The following DOK6 variants were observed in gnomAD, a reference collection of about 807,000 sequenced individuals.
DOK6 encodes downstream of tyrosine kinase 6.
A neutral mutation model predicts 44.0 loss-of-function variants in DOK6; 22 were observed. The observed-to-expected ratio is 0.50, with a 90% CI of 0.36 to 0.71. DOK6 has a LOEUF of 0.71. DOK6 is among the 30% of genes least tolerant of loss of function. The pLI, the probability that DOK6 is intolerant of heterozygous loss-of-function variation, is 0.00. For synonymous variants in DOK6, 166 were observed against 145.5 expected, an observed-to-expected ratio of 1.14 and a Z score of -1.01; for missense variants, 340 against 416.4, an observed-to-expected ratio of 0.82 and a Z score of 1.60.
chr18:69,593,676 T>C (rs990039114), intron 2 of DOK6, among the ~76,000 whole-genome samples: 3 of 152,228 alleles, frequency 2.0e-5, no homozygotes, highest in Non-Finnish European at 4.4e-5. Flanking sequence ...TGCATTTTGC[T>C]AGGCTATCCA....
intron 1 of DOK6, among the ~76,000 whole-genome samples, chr18:69,416,411 G>C (rs922851381): frequency 7.9e-5 from 12 of 152,122 alleles, no homozygotes; most frequent in African/African-American, 2.4e-4. Context: ...ACACAAGTAT[G>C]ATTTAATGGA....
chr18:69,426,152 C>A (rs1406183789), intron 1 of DOK6, among the ~76,000 whole-genome samples: 1 of 152,102 alleles, frequency 6.6e-6, no homozygotes, highest in Non-Finnish European at 1.5e-5. Flanking sequence ...GCTACTTCTT[C>A]ATATACCACA....
chr18:69,499,462 TA>T (rs1980988854), intron 1 of DOK6, among the ~76,000 whole-genome samples: 1 of 152,210 alleles, frequency 6.6e-6, no homozygotes, highest in Admixed American at 6.5e-5. Flanking sequence ...ATGAGTAATT[TA>T]CGCAAAAATG....
chr18:69,798,535 A>C (rs1980814073), intron 7 of DOK6, among the ~76,000 whole-genome samples: 1 of 152,066 alleles, frequency 6.6e-6, no homozygotes, highest in African/African-American at 2.4e-5. Context: ...AATTTTTTTA[A>C]TTTTAATCAG....
intron 7 of DOK6, among the ~76,000 whole-genome samples, chr18:69,820,501 CAG>C (rs1416625445): frequency 1.3e-5 from 2 of 152,158 alleles, no homozygotes; most frequent in African/African-American, 4.8e-5. Flanking sequence ...TGAAAAGTAA[CAG>C]AGACATTTGG....
chr18:69,522,486 G>T (rs1326346253), intron 1 of DOK6, among the ~76,000 whole-genome samples: 1 of 151,926 alleles, frequency 6.6e-6, no homozygotes, highest in African/African-American at 2.4e-5. Flanking sequence ...TTAAATCTAT[G>T]CATATGGAGT....
chr18:69,573,283 A>G (rs1983161421), intron 2 of DOK6, among the ~76,000 whole-genome samples: 1 of 151,914 alleles, frequency 6.6e-6, no homozygotes. Flanking sequence ...GCAAAACAGC[A>G]TGAAGAGCCC....
intron 1 of DOK6, among the ~76,000 whole-genome samples, chr18:69,427,134 T>C (rs1435253950): frequency 1.3e-5 from 2 of 152,188 alleles, no homozygotes; most frequent in African/African-American, 2.4e-5. Context: ...CTAAGGATCA[T>C]GGCCTCCAGC....
intron 6 of DOK6, among the ~76,000 whole-genome samples, chr18:69,744,424 G>C (rs7244507): frequency 0.56 from 84,704 of 151,818 alleles, 25,286 homozygotes; most frequent in East Asian, 0.69. Flanking sequence ...TGATTGCTGA[G>C]AGTGATCACA....
chr18:69,513,759 A>G (rs190818375), intron 1 of DOK6, among the ~76,000 whole-genome samples: 3 of 152,230 alleles, frequency 2.0e-5, no homozygotes, highest in Non-Finnish European at 4.4e-5. Flanking sequence ...TTAGCAGTGA[A>G]TCAATGCATT....
Position 69,429,327 on chromosome 18 carries a change from T to C in DOK6, c.66+28017T>C, listed in dbSNP as rs546292843. Among the ~76,000 whole-genome samples the C allele has an allele frequency of 7.9e-5, 12 of 152,066 alleles. No homozygotes were observed. In the South Asian group the frequency reaches 2.5e-3, roughly 32 times the overall value. On this transcript the variant is annotated intron_variant, in intron 1 of 7. Coordinates refer to ENST00000382713, the MANE Select transcript of DOK6 (RefSeq NM_152721.6). ...AAGAATCTTTATTCTTTGGAGAACATGTGGTTCTGCCCTGTTTAACTGCAC... is the reference window on the plus strand; with the variant it reads ...AAGAATCTTTATTCTTTGGAGAACACGTGGTTCTGCCCTGTTTAACTGCAC...
intron 1 of DOK6, among the ~76,000 whole-genome samples, chr18:69,563,093 A>G (rs1203230280): frequency 1.3e-5 from 2 of 152,210 alleles, no homozygotes; most frequent in Non-Finnish European, 2.9e-5. Flanking sequence ...AATCAAAACC[A>G]CAATGCGATA....
At chr18:69,428,790 A>G (rs891359046) in intron 1 of DOK6, among the ~76,000 whole-genome samples, 3 of 152,354 alleles carry the variant, frequency 2.0e-5, no homozygotes, top group Middle Eastern at 3.4e-3. Flanking sequence ...AAGTAAAAAT[A>G]AAAGGACTTG....
At chr18:69,497,830 A>C (rs1167598594) in intron 1 of DOK6, among the ~76,000 whole-genome samples, 1 of 152,164 alleles carries the variant, frequency 6.6e-6, no homozygotes, top group Non-Finnish European at 1.5e-5. Flanking sequence ...CTATGCCTTA[A>C]AAAAAGAATA....
chr18:69,821,718 T>C (rs530198846), intron 7 of DOK6, among the ~76,000 whole-genome samples: 1 of 152,204 alleles, frequency 6.6e-6, no homozygotes, highest in South Asian at 2.1e-4. Flanking sequence ...CTAAAATAAT[T>C]TTTCCCCTGT....
chr18:69,804,926 C>T (rs2145109771), intron 7 of DOK6, among the ~76,000 whole-genome samples: 1 of 152,178 alleles, frequency 6.6e-6, no homozygotes, highest in Non-Finnish European at 1.5e-5. Context: ...GGAGTATATG[C>T]CCTGTTGGAT....
At chr18:69,420,321 A>C (rs1978453886) in intron 1 of DOK6, among the ~76,000 whole-genome samples, 1 of 152,100 alleles carries the variant, frequency 6.6e-6, no homozygotes, top group South Asian at 2.1e-4. Context: ...AATTTCAAAT[A>C]GTATATACAA....
intron 3 of DOK6, among the ~76,000 whole-genome samples, chr18:69,667,960 A>G (rs574131422): frequency 6.6e-6 from 1 of 152,148 alleles, no homozygotes; most frequent in East Asian, 1.9e-4. Context: ...TCAATAACTA[A>G]TAAGAATCTG....
chr18:69,837,572 A>C (rs1256457186), intron 7 of DOK6, among the ~76,000 whole-genome samples: 1 of 149,704 alleles, frequency 6.7e-6, no homozygotes, highest in African/African-American at 2.4e-5. Flanking sequence ...GTGTTCAGCA[A>C]AAAAAAAAAA....
Sources: gnomAD v4.1 joint callset for allele counts (sites outside exome capture counted in the v4.1 genomes callset) on GRCh38, gnomAD v4.1.1 for gene constraint, MANE v1.5 for transcripts, NCBI Gene and HGNC (gene_info 2026-07-23, HGNC 2026-07-21) for gene names.